SAMD5: variants seen among roughly 807,000 people sequenced by gnomAD.
SAMD5 encodes sterile alpha motif domain-containing protein 5.
SAMD5 carries 13 observed loss-of-function variants against 11.3 expected under a neutral mutation model. That is an observed-to-expected ratio of 1.15 (90% CI 0.75 to 1.83). The LOEUF (loss-of-function observed/expected upper bound fraction) is 1.83, where lower values mean the gene tolerates loss of function less well. Among genes scored for constraint, SAMD5 ranks in the 40% most tolerant of loss-of-function variants. The pLI is 0.00. For missense variants in SAMD5, 255 were observed against 239.1 expected (o/e 1.07, Z -0.44); for synonymous variants, 129 against 111.3 (o/e 1.16, Z -1.00).
At chr6:147,777,887 G>A in the SAMD5 span, among the ~76,000 whole-genome samples, 21 of 152,230 alleles carry the variant, frequency 1.4e-4, no homozygotes, top group East Asian at 3.7e-3. Flanking sequence ...TATGTATATA[G>A]CCCATCATAT....
chr6:147,602,793 T>A lies in SAMD5; in HGVS notation c.162+93406T>A, dbSNP rs570473043. Among the ~76,000 whole-genome samples, 412 of 150,158 alleles carry A rather than the reference T, an allele frequency of 2.7e-3. 3 individuals are homozygous for A. The highest frequency in any genetic ancestry group is 9.4e-3 in the African/African-American group (385 of 40,850). On this transcript the variant is annotated intron_variant, in intron 1 of 1. Transcript: ENST00000566741. ...AAAACCAACCAAACAAAAAAAAAAC[T>A]CACCCAATAAAATAGAGTAGTTCTA... is the stretch of plus-strand genomic sequence containing the variant.
intron 1 of SAMD5, among the ~76,000 whole-genome samples, chr6:147,582,023 C>T (rs1382016873): frequency 1.3e-5 from 2 of 152,012 alleles, no homozygotes; most frequent in Non-Finnish European, 2.9e-5. Context: ...TGGTGAGAGA[C>T]ACATTGACCT....
intron 1 of SAMD5, among the ~76,000 whole-genome samples, chr6:147,688,937 A>G (rs1791059628): frequency 6.6e-6 from 1 of 152,244 alleles, no homozygotes; most frequent in Non-Finnish European, 1.5e-5. Flanking sequence ...GTGAAGCACC[A>G]AAAAGCTCTC....
chr6:147,640,497 CAAAAAAAAAAAAA>C (rs1172694444), intron 1 of SAMD5, among the ~76,000 whole-genome samples: 117 of 24,218 alleles, frequency 4.8e-3, no homozygotes, highest in Admixed American at 0.017. Flanking sequence ...GACTCTGTCG[CAAAAAAAAAAAAA>C]AAAAAAAAAA....
chr6:147,767,347 G>A, the SAMD5 span, among the ~76,000 whole-genome samples: 13 of 149,994 alleles, frequency 8.7e-5, no homozygotes, highest in Non-Finnish European at 1.9e-4. Flanking sequence ...CTCTAGAGCT[G>A]GATGGCCCCC....
At chr6:147,944,545 G>T in the SAMD5 span, among the ~76,000 whole-genome samples, 6 of 152,186 alleles carry the variant, frequency 3.9e-5, no homozygotes, top group South Asian at 2.1e-4. Flanking sequence ...ATGAGATTTA[G>T]GTGGGGACAC....
the SAMD5 span, among the ~76,000 whole-genome samples, chr6:147,807,581 C>A: frequency 6.6e-6 from 1 of 152,062 alleles, no homozygotes; most frequent in Non-Finnish European, 1.5e-5. Flanking sequence ...TTGGTCTTTT[C>A]GCCACACAGT....
At chr6:147,622,215 A>T (rs80181965) in intron 1 of SAMD5, among the ~76,000 whole-genome samples, 10,665 of 152,046 alleles carry the variant, frequency 0.07, 440 homozygotes, top group Middle Eastern at 0.13. Context: ...CAAGTCTGTG[A>T]TATACAATGG....
the SAMD5 span, among the ~76,000 whole-genome samples, chr6:147,748,598 T>G: frequency 6.6e-6 from 1 of 152,150 alleles, no homozygotes; most frequent in Non-Finnish European, 1.5e-5. Context: ...CTTCACCTCT[T>G]TGGTTCCTCT....
At chr6:147,918,781 TCTGCCTC>T in the SAMD5 span, among the ~76,000 whole-genome samples, 1 of 142,388 alleles carries the variant, frequency 7.0e-6, no homozygotes, top group African/African-American at 2.6e-5. Flanking sequence ...CACTGCAACC[TCTGCCTC>T]CTGGGTTCAA....
chr6:147,923,822 A>C, the SAMD5 span, among the ~76,000 whole-genome samples: 2 of 152,214 alleles, frequency 1.3e-5, no homozygotes, highest in African/African-American at 4.8e-5. Context: ...ATCCTCAAGG[A>C]TGCCCATCCC....
the SAMD5 span, among the ~76,000 whole-genome samples, chr6:147,779,611 TA>T: frequency 6.6e-6 from 1 of 152,026 alleles, no homozygotes; most frequent in African/African-American, 2.4e-5. Context: ...TTCTCCTGCC[TA>T]AACCTTCCAA....
At chr6:147,780,985 A>G in the SAMD5 span, among the ~76,000 whole-genome samples, 1 of 152,212 alleles carries the variant, frequency 6.6e-6, no homozygotes, top group Non-Finnish European at 1.5e-5. Context: ...AAAGAAAAAA[A>G]TACAATTTGA....
At chr6:147,931,615 T>C in the SAMD5 span, among the ~76,000 whole-genome samples, 2 of 152,096 alleles carry the variant, frequency 1.3e-5, no homozygotes, top group African/African-American at 2.4e-5. Flanking sequence ...TGATACAATA[T>C]ATTTCTGAAC....
Position 147,509,066 on chromosome 6 carries a change from G to A in SAMD5, c.138G>A (p.Val46=). Reference sequence around the variant, plus strand: ...ACCCGGACCTGGATGCCATCGGGGTGCTGGCGCCCGCGCACCGCCGCCGTA... The same window carrying A: ...ACCCGGACCTGGATGCCATCGGGGTACTGGCGCCCGCGCACCGCCGCCGTA... ...IGDPDLDAIG[V]LAPAHRRRIL... Residue 46 remains valine, a synonymous_variant, in exon 1 of 2, where the codon GTG becomes GTA. Transcript: ENST00000367474. 6.2e-7 allele frequency: 1 copy of A among 1,603,390 alleles called. No individual in the cohort carries two copies. The highest frequency in any genetic ancestry group is 8.5e-7 in the Non-Finnish European group (1 of 1,175,996).
chr6:147,557,350 A>C (rs948141592), intron 1 of SAMD5, among the ~76,000 whole-genome samples: 3 of 152,244 alleles, frequency 2.0e-5, no homozygotes, highest in Non-Finnish European at 2.9e-5. Flanking sequence ...TAACAAAATA[A>C]TACCAACTGT....
the SAMD5 span, among the ~76,000 whole-genome samples, chr6:147,945,481 A>C: frequency 6.6e-6 from 1 of 152,204 alleles, no homozygotes; most frequent in Non-Finnish European, 1.5e-5. Flanking sequence ...TGCTCATTTA[A>C]AATTTTGGCC....
At position 147,531,712 on chromosome 6, in the gene SAMD5, A is replaced by T. The variant is rs916488379; in HGVS notation, c.459+22325A>T. Among the ~76,000 whole-genome samples the T allele has an allele frequency of 2.0e-5, 3 of 152,236 alleles. No individual in the cohort carries two copies. The East Asian group carries it at 5.8e-4, about 29-fold the overall frequency. On this transcript the variant is annotated intron_variant, in intron 1 of 1. Transcript: ENST00000367474. ...AATCAACAAAAAACATTCTGTGAGG[A>T]TCAATTGGATATATGAAGTTGATAA...
At chr6:147,873,707 TG>T in the SAMD5 span, among the ~76,000 whole-genome samples, 3 of 152,200 alleles carry the variant, frequency 2.0e-5, no homozygotes, top group Non-Finnish European at 4.4e-5. Flanking sequence ...TTAAAGTACC[TG>T]AGTTAAAATA....
Sources: gnomAD v4.1 joint callset for allele counts (sites outside exome capture counted in the v4.1 genomes callset) on GRCh38, gnomAD v4.1.1 for gene constraint, MANE v1.5 for transcripts, NCBI Gene and HGNC (gene_info 2026-07-23, HGNC 2026-07-21) for gene names.